Variants in SLC8A1 observed in about 807,000 individuals in gnomAD.
SLC8A1 encodes sodium/calcium exchanger 1.
SLC8A1 carries 18 observed loss-of-function variants against 68.3 expected under a neutral mutation model. That is an observed-to-expected ratio of 0.26 (90% confidence interval 0.18 to 0.39). The LOEUF (loss-of-function observed/expected upper bound fraction) is 0.39, where lower values mean the gene tolerates loss of function less well. Among genes scored for constraint, SLC8A1 ranks in the 10% least tolerant of loss-of-function variants. The probability of loss-of-function intolerance (pLI) is 1.00; values close to 1 mark genes in which losing one functional copy is unlikely to be tolerated. For missense variants in SLC8A1, 985 were observed against 1,156.7 expected, an observed-to-expected ratio of 0.85 and a Z score of 2.15; for synonymous variants, 475 against 415.5, an observed-to-expected ratio of 1.14 and a Z score of -1.74.
intron 2 of SLC8A1, among the ~76,000 whole-genome samples, chr2:40,178,965 G>T (rs1320150756): frequency 2.0e-5 from 3 of 151,962 alleles, no homozygotes. Flanking sequence ...CCTTCACTGT[G>T]CTTTATTATA....
intron 2 of SLC8A1, among the ~76,000 whole-genome samples, chr2:40,277,794 G>GTATATA (rs56145701): frequency 0.05 from 5,318 of 107,152 alleles, 126 homozygotes; most frequent in Non-Finnish European, 0.057. Context: ...ATATATGTGT[G>GTATATA]TATATATATA....
chr2:40,466,771 C>T (rs573737785), intron 1 of SLC8A1, among the ~76,000 whole-genome samples: 1 of 152,070 alleles, frequency 6.6e-6, no homozygotes, highest in African/African-American at 2.4e-5. Context: ...CCCTAAGGAG[C>T]ATAGAGGCTG....
chr2:40,132,251 G>A (rs2039531557), intron 7 of SLC8A1, among the ~76,000 whole-genome samples: 1 of 152,058 alleles, frequency 6.6e-6, no homozygotes, highest in African/African-American at 2.4e-5. Context: ...ATAAAAACGA[G>A]AGATAACATG....
intron 1 of SLC8A1, among the ~76,000 whole-genome samples, chr2:40,438,518 C>T (rs767743624): frequency 1.3e-5 from 2 of 152,134 alleles, no homozygotes; most frequent in East Asian, 3.9e-4. Context: ...ATATGATTGA[C>T]ACGTGGTCCC....
chr2:40,423,975 G>C (rs917429701), intron 2 of SLC8A1, among the ~76,000 whole-genome samples: 4 of 151,932 alleles, frequency 2.6e-5, no homozygotes, highest in Non-Finnish European at 5.9e-5. Flanking sequence ...TCAAATGCTA[G>C]TTATTCCATA....
At chr2:40,229,719 G>C (rs555178122) in intron 2 of SLC8A1, among the ~76,000 whole-genome samples, 1 of 152,198 alleles carries the variant, frequency 6.6e-6, no homozygotes, top group African/African-American at 2.4e-5. Flanking sequence ...CTTTTCTAGA[G>C]TGCTTCTGGA....
intron 1 of SLC8A1, among the ~76,000 whole-genome samples, chr2:40,486,049 G>A (rs1704948428): frequency 6.6e-6 from 1 of 152,122 alleles, no homozygotes; most frequent in South Asian, 2.1e-4. Context: ...TTGAAACATG[G>A]GAGCAGTTAC....
At chr2:40,412,798 TATGG>T (rs1692569241) in intron 2 of SLC8A1, among the ~76,000 whole-genome samples, 1 of 152,214 alleles carries the variant, frequency 6.6e-6, no homozygotes, top group African/African-American at 2.4e-5. Context: ...CTCATTTTAC[TATGG>T]ATGAAAACTA....
At chr2:40,240,682 T>G (rs2061099275) in intron 2 of SLC8A1, among the ~76,000 whole-genome samples, 1 of 152,186 alleles carries the variant, frequency 6.6e-6, no homozygotes, top group African/African-American at 2.4e-5. Flanking sequence ...CATAAATATT[T>G]CTTGAGCATT....
At chr2:40,306,940 A>G (rs928879110) in intron 2 of SLC8A1, among the ~76,000 whole-genome samples, 29 of 152,282 alleles carry the variant, frequency 1.9e-4, no homozygotes, top group African/African-American at 6.7e-4. Flanking sequence ...TGCATTTACT[A>G]TAGTAAAGGC....
At chr2:40,181,185 C>G (rs2049478451) in intron 2 of SLC8A1, among the ~76,000 whole-genome samples, 1 of 152,122 alleles carries the variant, frequency 6.6e-6, no homozygotes, top group African/African-American at 2.4e-5. Context: ...GTCTGGAACT[C>G]CTGACCTCAG....
chr2:40,106,221 T>A (rs947537710), exon 8 of SLC8A1: 12 of 152,188 alleles, frequency 7.9e-5, no homozygotes, highest in African/African-American at 2.7e-4. Context: ...CAGTTGTTTC[T>A]GAAGAATGTG....
chr2:40,452,919 A>T (rs1051007623), upstream of SLC8A1, among the ~76,000 whole-genome samples: 1 of 152,140 alleles, frequency 6.6e-6, no homozygotes, highest in African/African-American at 2.4e-5. Flanking sequence ...GCCGAGCATT[A>T]AGGTTGAGTG....
At chr2:40,220,200 G>C (rs1419032339) in intron 2 of SLC8A1, 1 of 151,626 alleles carries the variant, frequency 6.6e-6, no homozygotes, top group African/African-American at 2.4e-5. Context: ...AAAGGAAAAG[G>C]AGAAAGACAA....
At chr2:40,453,888 G>C (rs1219271393), upstream of SLC8A1, among the ~76,000 whole-genome samples, 2 of 152,284 alleles carry the variant, frequency 1.3e-5, no homozygotes, top group South Asian at 2.1e-4. Context: ...TACTGGCTTT[G>C]TAGAGGACAC....
intron 2 of SLC8A1, among the ~76,000 whole-genome samples, chr2:40,261,163 C>A (rs1559005395): frequency 6.6e-6 from 1 of 152,148 alleles, no homozygotes; most frequent in Non-Finnish European, 1.5e-5. Context: ...ATCACACCAA[C>A]TGGAAGGCCA....
At chr2:40,262,191 G>C (rs941141059) in intron 2 of SLC8A1, among the ~76,000 whole-genome samples, 1 of 152,138 alleles carries the variant, frequency 6.6e-6, no homozygotes, top group Non-Finnish European at 1.5e-5. Context: ...TCGATCTCCT[G>C]ACCTTGTGAT....
At chr2:40,158,628 G>A (rs370316078) in intron 6 of SLC8A1, among the ~76,000 whole-genome samples, 43 of 152,148 alleles carry the variant, frequency 2.8e-4, no homozygotes, top group East Asian at 1.4e-3. Context: ...AATGTGACGC[G>A]GCCAGTCTCT....
At chr2:40,232,560 T>G (rs1239193348) in intron 2 of SLC8A1, among the ~76,000 whole-genome samples, 1 of 151,574 alleles carries the variant, frequency 6.6e-6, no homozygotes, top group African/African-American at 2.4e-5. Context: ...GTGGAAGCAG[T>G]CCTAATAATT....
Sources: gnomAD v4.1 joint callset for allele counts (sites outside exome capture counted in the v4.1 genomes callset) on GRCh38, gnomAD v4.1.1 for gene constraint, MANE v1.5 for transcripts, NCBI Gene and HGNC (gene_info 2026-07-23, HGNC 2026-07-21) for gene names.